The following NEK11 variants were observed in gnomAD, a reference collection of about 807,000 sequenced individuals.
The protein encoded by NEK11 is serine/threonine-protein kinase Nek11.
Under a neutral mutation model 80.7 loss-of-function variants are expected in NEK11, and 72 were observed. That is an observed-to-expected ratio of 0.89 (90% CI 0.74 to 1.08). The LOEUF (loss-of-function observed/expected upper bound fraction) is 1.08, where lower values mean the gene tolerates loss of function less well. Among genes scored for constraint, NEK11 ranks in the 50% least tolerant of loss-of-function variants. The pLI is 0.00. For missense variants in NEK11, 764 were observed against 763.6 expected, an observed-to-expected ratio of 1.00 and a Z score of -0.01; for synonymous variants, 251 against 260.7, an observed-to-expected ratio of 0.96 and a Z score of 0.36.
In NEK11 at chr3:131,228,873, A is replaced by T. The variant is rs114045908; in HGVS notation, c.1560+185A>T. Among the ~76,000 whole-genome samples, 9,254 of 152,030 alleles carry T rather than the reference A, an allele frequency of 0.061. 386 individuals carry two copies. The highest frequency in any genetic ancestry group is 0.19 in the East Asian group (966 of 5,142). On this transcript the variant is annotated intron_variant, in intron 15 of 17. Transcript: ENST00000383366. The stretch of plus-strand genomic sequence containing the variant: ...GCAGGCAGGGCCCTATGGAATTTGG[A>T]GAATCTGATCTGGACCATGTTGATG...
chr3:131,087,235 C>CTTTT (rs59630167), intron 4 of NEK11, among the ~76,000 whole-genome samples: 41 of 81,204 alleles, frequency 5.0e-4, no homozygotes, highest in Non-Finnish European at 6.5e-4. Context: ...TATGCAAATT[C>CTTTT]TTTTTTTTTT....
intron 14 of NEK11, among the ~76,000 whole-genome samples, chr3:131,189,432 G>A (rs548018734): frequency 6.6e-6 from 1 of 152,270 alleles, no homozygotes; most frequent in African/African-American, 2.4e-5. Context: ...TCAGTGTCTG[G>A]CAAGGGCCTA....
chr3:131,252,802 C>T (rs2095733834), intron 16 of NEK11, among the ~76,000 whole-genome samples: 1 of 152,148 alleles, frequency 6.6e-6, no homozygotes, highest in Non-Finnish European at 1.5e-5. Context: ...ACTTTAAGAA[C>T]TATGGCTTTA....
At chr3:131,253,047 G>T (rs1411425764) in intron 16 of NEK11, among the ~76,000 whole-genome samples, 1 of 152,078 alleles carries the variant, frequency 6.6e-6, no homozygotes, top group Non-Finnish European at 1.5e-5. Context: ...AGCTTCCTTA[G>T]AAGTGGTATT....
intron 14 of NEK11, among the ~76,000 whole-genome samples, chr3:131,182,655 A>G (rs1184661088): frequency 1.3e-5 from 2 of 152,202 alleles, no homozygotes; most frequent in Non-Finnish European, 2.9e-5. Context: ...TTAAATTATT[A>G]ATGGGAGTTC....
intron 11 of NEK11, among the ~76,000 whole-genome samples, chr3:131,164,036 A>G (rs2091946128): frequency 6.6e-6 from 1 of 152,228 alleles, no homozygotes; most frequent in African/African-American, 2.4e-5. Context: ...TTGTTAATTT[A>G]TCCAAAAAAT....
intron 17 of NEK11, among the ~76,000 whole-genome samples, chr3:131,289,835 A>C (rs1351597305): frequency 6.6e-6 from 1 of 152,242 alleles, no homozygotes; most frequent in East Asian, 1.9e-4. Flanking sequence ...GATAAGACAA[A>C]CCCAGTGCTA....
At chr3:131,126,466 A>T (rs954758578) in intron 5 of NEK11, among the ~76,000 whole-genome samples, 5 of 152,214 alleles carry the variant, frequency 3.3e-5, no homozygotes, top group African/African-American at 1.2e-4. Context: ...ATTATTATTT[A>T]GCTATTATTA....
At chr3:131,125,468 A>C (rs1025410744) in intron 5 of NEK11, among the ~76,000 whole-genome samples, 1 of 152,194 alleles carries the variant, frequency 6.6e-6, no homozygotes, top group Non-Finnish European at 1.5e-5. Context: ...TGAGAGAGAT[A>C]TTTCCTTATG....
intron 17 of NEK11, among the ~76,000 whole-genome samples, chr3:131,347,055 A>G (rs2097373770): frequency 6.6e-6 from 1 of 152,194 alleles, no homozygotes. Flanking sequence ...TGTCAGCAAA[A>G]GAAACACCTG....
At chr3:131,264,846 G>A (rs1025396225) in intron 16 of NEK11, among the ~76,000 whole-genome samples, 38 of 152,174 alleles carry the variant, frequency 2.5e-4, no homozygotes, top group Admixed American at 2.1e-3. Context: ...CTATCCATGA[G>A]CATGGAATGA....
intron 14 of NEK11, among the ~76,000 whole-genome samples, chr3:131,180,338 A>C (rs947539259): frequency 1.3e-5 from 2 of 152,218 alleles, no homozygotes; most frequent in Admixed American, 1.3e-4. Context: ...AAATTAGGGT[A>C]ATGAACAAAA....
At chr3:131,069,782 T>A (rs1003836581) in intron 3 of NEK11, among the ~76,000 whole-genome samples, 15 of 146,604 alleles carry the variant, frequency 1.0e-4, no homozygotes, top group African/African-American at 3.8e-4. Context: ...AACAATGAGA[T>A]CACATGGACA....
intron 7 of NEK11, among the ~76,000 whole-genome samples, chr3:131,141,626 T>C (rs1449573466): frequency 1.3e-5 from 2 of 152,212 alleles, no homozygotes; most frequent in African/African-American, 2.4e-5. Context: ...TTTGAAACTT[T>C]TATTGGGGTA....
chr3:131,231,435 C>T (rs1240420013), intron 15 of NEK11, among the ~76,000 whole-genome samples: 1 of 146,208 alleles, frequency 6.8e-6, no homozygotes, highest in African/African-American at 2.5e-5. Flanking sequence ...ATGGACTTGG[C>T]ATAAGGGAAA....
At chr3:131,338,265 G>GTTTTTTTT (rs1554023900) in intron 17 of NEK11, among the ~76,000 whole-genome samples, 2 of 91,604 alleles carry the variant, frequency 2.2e-5, no homozygotes, top group African/African-American at 4.9e-5. Flanking sequence ...GCGCCCAGCT[G>GTTTTTTTT]GTTTTTTTTT....
At chr3:131,338,278 T>G (rs1332722092) in intron 17 of NEK11, among the ~76,000 whole-genome samples, 7 of 149,094 alleles carry the variant, frequency 4.7e-5, no homozygotes, top group Non-Finnish European at 8.9e-5. Context: ...TTTTTTTTTT[T>G]TTTTTTTTTT....
At chr3:131,338,265 G>GTTTTTTTTTTTTTTTTTT (rs1554023900) in intron 17 of NEK11, among the ~76,000 whole-genome samples, 1 of 91,608 alleles carries the variant, frequency 1.1e-5, no homozygotes, top group African/African-American at 4.9e-5. Flanking sequence ...GCGCCCAGCT[G>GTTTTTTTTTTTTTTTTTT]GTTTTTTTTT....
intron 4 of NEK11, among the ~76,000 whole-genome samples, chr3:131,089,209 G>C (rs534313446): frequency 6.6e-6 from 1 of 152,166 alleles, no homozygotes; most frequent in Non-Finnish European, 1.5e-5. Flanking sequence ...AGTCACGAAG[G>C]ATGCTTGTTG....
Sources: allele counts gnomAD v4.1 joint callset (sites outside exome capture counted in the v4.1 genomes callset), GRCh38; gene constraint gnomAD v4.1.1; transcripts MANE v1.5; gene names NCBI Gene and HGNC (gene_info 2026-07-23, HGNC 2026-07-21).